Variants in CASP8 observed in about 807,000 individuals in gnomAD.
CASP8 encodes the protein caspase-8.
CASP8 carries 24 observed loss-of-function variants against 46.3 expected under a neutral mutation model. The ratio of observed to expected loss-of-function variants is 0.52; its 90% CI spans 0.38 to 0.73. CASP8 has a LOEUF of 0.73. Among genes scored for constraint, CASP8 ranks in the 30% least tolerant of loss-of-function variants. The pLI is 0.00. For missense variants in CASP8, 460 were observed against 559.0 expected (o/e 0.82, Z 1.79); for synonymous variants, 188 against 200.4 (o/e 0.94, Z 0.52).
At chr2:201,243,716 C>T (rs1487358769) in intron 2 of CASP8, among the ~76,000 whole-genome samples, 1 of 152,100 alleles carries the variant, frequency 6.6e-6, no homozygotes, top group East Asian at 1.9e-4. Context: ...ATTGTTCCAC[C>T]CTGTTTTGGA....
intron 8 of CASP8, among the ~76,000 whole-genome samples, chr2:201,285,771 C>G (rs1295061907): frequency 6.6e-6 from 1 of 152,216 alleles, no homozygotes; most frequent in Non-Finnish European, 1.5e-5. Context: ...TCCTCCAACT[C>G]TGTCAAAAGT....
intron 7 of CASP8, among the ~76,000 whole-genome samples, chr2:201,280,741 G>C (rs1226253962): frequency 1.3e-5 from 2 of 152,206 alleles, no homozygotes; most frequent in Admixed American, 1.3e-4. Context: ...AATTCATCTG[G>C]CCTATGGAAC....
At position 201,272,598 on chromosome 2, in the gene CASP8, G is replaced by A. The variant is rs1015475085; in HGVS notation, c.412-40G>A. 2.5e-6 allele frequency: 4 copies of A among 1,611,588 alleles called. No individual in the cohort carries two copies. The highest frequency in any genetic ancestry group is 3.4e-6 in the Non-Finnish European group (4 of 1,178,208). On this transcript the variant is annotated intron_variant, in intron 3 of 8. Transcript: ENST00000673742. This position sits in a 1 kb window ranked among gnomAD's most constrained non-coding sequence, Gnocchi z 4.4. ...AAAATCTAATCTAAAAACCAGTAGGGCTCAATCCAGATTCCCAACTTTATT... is the reference window on the plus strand; with the variant it reads ...AAAATCTAATCTAAAAACCAGTAGGACTCAATCCAGATTCCCAACTTTATT...
At chr2:201,267,352 G>C (rs1225264495) in intron 2 of CASP8, among the ~76,000 whole-genome samples, 1 of 152,056 alleles carries the variant, frequency 6.6e-6, no homozygotes, top group African/African-American at 2.4e-5. Context: ...TTTTCAATGA[G>C]ATTTAAGGGT....
At position 201,260,592 on chromosome 2, in the gene CASP8, G is replaced by A. The variant is rs994352124; in HGVS notation, c.-48G>A. On this transcript the variant is annotated 5_prime_UTR_variant, in exon 1 of 9. It adds an upstream start codon to the 5' untranslated region. Transcript: ENST00000673742. ...GGTAGTGGATAGGCCTGTGACGAAG[G>A]TGCTACCATCGTGAGAGTAAGGTAA... The A allele has an allele frequency of 2.0e-6, 2 of 983,602 alleles. No individual in the cohort carries two copies. Among genetic ancestry groups the A allele is most frequent in the African/African-American group, 1.7e-5 (1 of 57,300 alleles). The allele number at this position is 983,602 out of a possible 1,614,324, so 60.9% of individuals were successfully genotyped here. A position where few individuals can be genotyped will look rare whatever the true frequency, so the allele number is the denominator to read the frequency against.
intron 1 of CASP8, chr2:201,262,258 C>G (rs924835647): frequency 2.0e-5 from 3 of 151,752 alleles, no homozygotes; most frequent in Non-Finnish European, 4.4e-5. Context: ...AAAATGGGGA[C>G]AGTAATAGTA....
chr2:201,262,817 C>T (rs1248138213), intron 1 of CASP8, among the ~76,000 whole-genome samples: 1 of 152,114 alleles, frequency 6.6e-6, no homozygotes, highest in African/African-American at 2.4e-5. Context: ...TGCTGGATGG[C>T]CCGTTGTTAA....
At chr2:201,274,976 T>C (rs1434671192) in intron 6 of CASP8, 23 bp downstream of exon 6, 4 of 1,507,394 alleles carry the variant, frequency 2.7e-6, no homozygotes, top group East Asian at 2.3e-5. Flanking sequence ...CTCCAAATCC[T>C]TTTTTTTACA....
chr2:201,282,934 C>T (rs1949201983), intron 7 of CASP8, among the ~76,000 whole-genome samples: 1 of 73,518 alleles, frequency 1.4e-5, no homozygotes, highest in Non-Finnish European at 3.4e-5. Flanking sequence ...GGGCGGCTGG[C>T]CAGGCAGGGG....
At chr2:201,283,685 C>T (rs1576380858) in intron 7 of CASP8, among the ~76,000 whole-genome samples, 1 of 79,198 alleles carries the variant, frequency 1.3e-5, no homozygotes, top group African/African-American at 4.0e-5. Flanking sequence ...GGCGGATGGC[C>T]GACCACCCCC....
At position 201,272,913 on chromosome 2, in the gene CASP8, T is replaced by C; in HGVS notation, c.566T>C (p.Leu189Pro). ...TTTAATTCAGAGAGAAGCAGCAGCC[T>C]TGAAGGAAGTCCTGATGAATTTTCA... is the stretch of plus-strand genomic sequence containing the variant. ...EEFSKERSSS[L>P]EGSPDEFSNG... Residue 189 changes from leucine (L) to proline (P), a missense_variant, in exon 5 of 9, where the codon CTT becomes CCT. Leu to Pro is a moderately conservative substitution (Grantham distance 98). Transcript: ENST00000673742. This position sits in a 1 kb window ranked among gnomAD's most constrained non-coding sequence, Gnocchi z 4.4. The C allele has an allele frequency of 1.2e-6, 2 of 1,614,156 alleles. No individual in the cohort carries two copies. Among genetic ancestry groups the C allele is most frequent in the South Asian group, 2.2e-5 (2 of 91,088 alleles).
rs1158042987 is a variant in CASP8, at chr2:201,271,628, C to A, written c.411+7C>A. 1.3e-6 allele frequency: 2 copies of A among 1,499,458 alleles called. No individual in the cohort carries two copies. Among genetic ancestry groups the A allele is most frequent in the East Asian group, 2.3e-5 (1 of 44,374 alleles). The allele number at this position is 1,499,458 out of a possible 1,614,324, so 92.9% of individuals were successfully genotyped here. ...CAAACTGGATGATGACATGGTAAGA[C>A]CTGGTATCTTACTGAGATTTAGTCC... On this transcript the variant is annotated splice_region_variant and intron_variant, in intron 3 of 8. Coordinates refer to ENST00000673742, the MANE Select transcript of CASP8 (RefSeq NM_001372051.1).
In CASP8 at chr2:201,284,853, G is replaced by A; in HGVS notation, c.840G>A (p.Glu280=). The change falls in exon 8 of 9, where the codon GAG becomes GAA. Residue 280 remains glutamate, a synonymous_variant. Coordinates refer to ENST00000673742, the MANE Select transcript of CASP8 (RefSeq NM_001372051.1). ...CGACCTTTGAAGAGCTTCATTTTGA[G>A]ATCAAGCCCCACGATGACTGCACAG... ...LTTTFEELHF[E]IKPHDDCTVE... 2 of 1,614,146 alleles carry A rather than the reference G, an allele frequency of 1.2e-6. No individual in the cohort carries two copies. The highest frequency in any genetic ancestry group is 1.7e-6 in the Non-Finnish European group (2 of 1,180,030).
intron 2 of CASP8, among the ~76,000 whole-genome samples, chr2:201,255,280 G>C (rs1212282683): frequency 6.6e-6 from 1 of 152,146 alleles, no homozygotes; most frequent in African/African-American, 2.4e-5. Flanking sequence ...GTTTTGCCAT[G>C]TTGGCTAGGC....
At chr2:201,250,556 A>G (rs1304680934) in intron 2 of CASP8, among the ~76,000 whole-genome samples, 2 of 152,216 alleles carry the variant, frequency 1.3e-5, no homozygotes, top group Non-Finnish European at 2.9e-5. Flanking sequence ...ATATTTTTAA[A>G]CAACCAGAAT....
chr2:201,285,366 C>G (rs34750049), intron 8 of CASP8, 49 bp downstream of exon 8: 212 of 1,598,526 alleles, frequency 1.3e-4, no homozygotes, highest in African/African-American at 9.2e-4. Context: ...ACCTTCCCCC[C>G]CTACTCCATC....
At chr2:201,283,698 C>G (rs1264840834) in intron 7 of CASP8, among the ~76,000 whole-genome samples, 1 of 92,334 alleles carries the variant, frequency 1.1e-5, no homozygotes, top group Admixed American at 8.8e-5. Flanking sequence ...CCACCCCCCC[C>G]CGCCTCCCTC....
chr2:201,238,156 G>A (rs1412660472), intron 2 of CASP8, among the ~76,000 whole-genome samples: 1 of 151,958 alleles, frequency 6.6e-6, no homozygotes, highest in African/African-American at 2.4e-5. Context: ...AACAAGGGAG[G>A]CAAAAAAGAA....
chr2:201,277,136 C>A, intron 7 of CASP8, 168 bp downstream of exon 7: 1 of 530,974 alleles, frequency 1.9e-6, no homozygotes. Flanking sequence ...TTATCAGTTT[C>A]CTGCTTTTTT....
Sources: gnomAD v4.1 joint callset for allele counts (sites outside exome capture counted in the v4.1 genomes callset) on GRCh38, gnomAD v4.1.1 for gene constraint, Gnocchi (gnomAD v3.1) non-coding constraint, MANE v1.5 for transcripts, NCBI Gene and HGNC (gene_info 2026-07-23, HGNC 2026-07-21) for gene names.